The following MAP3K4 variants were observed in gnomAD, a reference collection of about 807,000 sequenced individuals.
MAP3K4 encodes the protein MAP three kinase 1.
MAP3K4 carries 67 observed loss-of-function variants against 185.6 expected under a neutral mutation model. The observed-to-expected ratio is 0.36, with a 90% CI of 0.30 to 0.44. The LOEUF is 0.44. Ranked by LOEUF, MAP3K4 falls within the 20% of genes least tolerant of loss-of-function variation. The pLI is 1.00. For synonymous variants in MAP3K4, 702 were observed against 710.4 expected, an observed-to-expected ratio of 0.99 and a Z score of 0.19; for missense variants, 1,551 against 1,995.1, an observed-to-expected ratio of 0.78 and a Z score of 4.24.
rs1785164893 is a variant in MAP3K4, at chr6:161,076,111, A to G, written c.2097+2499A>G. On this transcript the variant is annotated intron_variant, in intron 5 of 26. Coordinates refer to ENST00000392142, the MANE Select transcript of MAP3K4 (RefSeq NM_005922.4). This position sits in a 1 kb window ranked among gnomAD's most constrained non-coding sequence, Gnocchi z 4.2. ...TCCAAAAATAAAAAGACTTAGAATTATTCGCCTTGAAATGTAAACTAAAAT... is the reference window on the plus strand; with the variant it reads ...TCCAAAAATAAAAAGACTTAGAATTGTTCGCCTTGAAATGTAAACTAAAAT... Among the ~76,000 whole-genome samples the G allele has an allele frequency of 6.6e-6, 1 of 152,212 alleles. No individual in the cohort carries two copies.
In MAP3K4 at chr6:161,100,506, C is replaced by T. The variant is rs1360243805; in HGVS notation, c.3675-1386C>T. ...CTTTGCAGTGGTGCTCTTGCTGAGG[C>T]TTGCTCCTGCTGGCTCTCAAGAGCT... is the stretch of plus-strand genomic sequence containing the variant. On this transcript the variant is annotated intron_variant, in intron 17 of 26. Transcript: ENST00000392142. The surrounding 1 kb of genome is among the most constrained non-coding windows in gnomAD (Gnocchi z 5.8). 6.6e-6 allele frequency among the ~76,000 whole-genome samples: 1 copy of T among 152,186 alleles called. No homozygotes were observed. Among genetic ancestry groups the T allele is most frequent in the African/African-American group, 2.4e-5 (1 of 41,436 alleles).
chr6:161,028,275 G>A (rs1782764492), intron 1 of MAP3K4, among the ~76,000 whole-genome samples: 1 of 151,376 alleles, frequency 6.6e-6, no homozygotes, highest in Non-Finnish European at 1.5e-5. Context: ...AAGTTCCAGT[G>A]GCATTGGATA....
In MAP3K4 at chr6:161,076,340, C is replaced by G. The variant is rs560739540; in HGVS notation, c.2097+2728C>G. The stretch of plus-strand genomic sequence containing the variant: ...CAGCCTTCTCTGGTTGTCAGGAAGA[C>G]TGCCGAATGGGAGCTCTCTTAGCAG... On this transcript the variant is annotated intron_variant, in intron 5 of 26. Coordinates refer to ENST00000392142, the MANE Select transcript of MAP3K4 (RefSeq NM_005922.4). The surrounding 1 kb of genome is among the most constrained non-coding windows in gnomAD (Gnocchi z 4.2). Among the ~76,000 whole-genome samples the G allele has an allele frequency of 1.3e-5, 2 of 152,160 alleles. No homozygotes were observed. The highest frequency in any genetic ancestry group is 2.4e-5 in the African/African-American group (1 of 41,438).
chr6:161,024,662 G>C (rs1782556800), intron 1 of MAP3K4, among the ~76,000 whole-genome samples: 2 of 152,112 alleles, frequency 1.3e-5, no homozygotes, highest in African/African-American at 4.8e-5. Flanking sequence ...CGGGTTTTTA[G>C]GAGGAATACC....
chr6:161,007,525 G>A lies in MAP3K4; in HGVS notation c.152+15442G>A, dbSNP rs1335656238. On this transcript the variant is annotated intron_variant, in intron 1 of 26. Coordinates refer to ENST00000392142, the MANE Select transcript of MAP3K4 (RefSeq NM_005922.4). This position sits in a 1 kb window ranked among gnomAD's most constrained non-coding sequence, Gnocchi z 4.5. ...AGATAAAGTTAAACAGTTGTGTCAA[G>A]TGATGGGTGTGTAAGTGCCCAACTC... Among the ~76,000 whole-genome samples the A allele has an allele frequency of 6.6e-6, 1 of 152,200 alleles. No individual in the cohort carries two copies. The highest frequency in any genetic ancestry group is 2.4e-5 in the African/African-American group (1 of 41,448).
intron 1 of MAP3K4, among the ~76,000 whole-genome samples, chr6:161,023,248 T>G (rs976044331): frequency 3.3e-5 from 5 of 152,224 alleles, no homozygotes; most frequent in Admixed American, 2.6e-4. Context: ...GAAGGAAACT[T>G]TATCATGATA....
chr6:161,023,631 C>T (rs909261274), intron 1 of MAP3K4, among the ~76,000 whole-genome samples: 1 of 152,210 alleles, frequency 6.6e-6, no homozygotes, highest in African/African-American at 2.4e-5. Flanking sequence ...CTGTTTCAGA[C>T]TCTCTGGTCA....
Position 161,022,852 on chromosome 6 carries a change from CTGTA to C in MAP3K4, c.153-11404_153-11401del, listed in dbSNP as rs1033744675. Among the ~76,000 whole-genome samples, 27 of 152,278 alleles carry C rather than the reference CTGTA, an allele frequency of 1.8e-4. No individual in the cohort carries two copies. Among genetic ancestry groups the C allele is most frequent in the African/African-American group, 5.1e-4 (21 of 41,560 alleles). ...AGGTTCTGGTAAAGATGAAATGAGA[CTGTA>C]TGATATCGAGCATAGTACTTACCAA... On this transcript the variant is annotated intron_variant, in intron 1 of 26. Coordinates refer to ENST00000392142, the MANE Select transcript of MAP3K4 (RefSeq NM_005922.4). This position sits in a 1 kb window ranked among gnomAD's most constrained non-coding sequence, Gnocchi z 4.2.
intron 1 of MAP3K4, among the ~76,000 whole-genome samples, chr6:161,016,436 C>T (rs2115096924): frequency 6.6e-6 from 1 of 152,240 alleles, no homozygotes; most frequent in East Asian, 1.9e-4. Flanking sequence ...ATATGAGATC[C>T]TATAGCTTTA....
At position 161,102,764 on chromosome 6, in the gene MAP3K4, A is replaced by T; in HGVS notation, c.3841A>T (p.Ile1281Phe). 6.3e-7 allele frequency: 1 copy of T among 1,585,582 alleles called. No individual in the cohort carries two copies. The highest frequency in any genetic ancestry group is 8.6e-7 in the Non-Finnish European group (1 of 1,164,242). The change falls in exon 19 of 27, where the codon ATC becomes TTC. Residue 1281 changes from isoleucine (I) to phenylalanine (F), a missense_variant. Physicochemically the swap from Ile to Phe is conservative, Grantham distance 21. Around this residue, in one of 16 missense-constraint regions of MAP3K4, gnomAD observed 272 missense variants for 301.2 expected, o/e 0.90. Transcript: ENST00000392142. ...TRRSWELRTL[I>F]SQSKDTASKL... is the part of the protein sequence containing the mutation. ...AAGAAGTTGGGAACTTCGGACACTAATCAGCCAGAGTAAAGGTGAGAGAAA... is the reference window on the plus strand; with the variant it reads ...AAGAAGTTGGGAACTTCGGACACTATTCAGCCAGAGTAAAGGTGAGAGAAA...
At chr6:161,078,273 T>G (rs1439786912) in intron 5 of MAP3K4, among the ~76,000 whole-genome samples, 1 of 152,122 alleles carries the variant, frequency 6.6e-6, no homozygotes, top group Admixed American at 6.5e-5. Context: ...TCCTTGAGTG[T>G]GGGCAGGGGG....
chr6:161,052,467 T>C (rs961093040), intron 3 of MAP3K4, among the ~76,000 whole-genome samples: 3 of 151,970 alleles, frequency 2.0e-5, no homozygotes, highest in Admixed American at 6.5e-5. Flanking sequence ...TGAAAGACTT[T>C]ATTAGAATTT....
At chr6:161,057,084 T>G (rs1456261052) in intron 3 of MAP3K4, among the ~76,000 whole-genome samples, 1 of 152,234 alleles carries the variant, frequency 6.6e-6, no homozygotes, top group Non-Finnish European at 1.5e-5. Flanking sequence ...GGGAATATTT[T>G]TGTTTTGATT....
chr6:161,059,142 A>AT lies in MAP3K4; in HGVS notation c.1707+9174dup, dbSNP rs140627063. Among the ~76,000 whole-genome samples, 372 of 149,700 alleles carry AT rather than the reference A, an allele frequency of 2.5e-3. 1 individual carries two copies. Among genetic ancestry groups the AT allele is most frequent in the East Asian group, 4.3e-3 (22 of 5,118 alleles). The stretch of plus-strand genomic sequence containing the variant: ...AAAATGTTATTTCATTGATTGATTG[A>AT]TTTTTTTTTTTAAGTCAGAGCCTCA... On this transcript the variant is annotated intron_variant, in intron 3 of 26. Transcript: ENST00000392142.
rs1198435435 is a variant in MAP3K4 at position 161,067,212 on chromosome 6, A to G, written c.1708-3396A>G. The G allele has an allele frequency of 5.0e-6, 2 of 398,700 alleles. No homozygotes were observed. Among genetic ancestry groups the G allele is most frequent in the Admixed American group, 5.3e-5 (2 of 37,870 alleles). 24.7% of individuals were successfully genotyped at this position (398,700 alleles called of 1,614,324 possible). A position where few individuals can be genotyped will look rare whatever the true frequency, so the allele number is the denominator to read the frequency against. On this transcript the variant is annotated intron_variant, in intron 3 of 26. Coordinates refer to ENST00000392142, the MANE Select transcript of MAP3K4 (RefSeq NM_005922.4). This position sits in a 1 kb window ranked among gnomAD's most constrained non-coding sequence, Gnocchi z 6.3. ...TATACATTTTAGGGAGACATGAGAC[A>G]TCAATCAATATATGTAAGATGTACA... is the stretch of plus-strand genomic sequence containing the variant.
rs373916761 is a variant in MAP3K4, at chr6:161,092,194, A to G, written c.3269+51A>G. 4.4e-6 allele frequency: 7 copies of G among 1,602,238 alleles called. No individual in the cohort carries two copies. In the African/African-American group the frequency reaches 9.4e-5, roughly 21 times the overall value. ...AAATGTGTCATGTGGGCTTGGTGGT[A>G]TTTGTTCATATATGTTCTGTGGGAT... On this transcript the variant is annotated intron_variant, in intron 13 of 26. Coordinates refer to ENST00000392142, the MANE Select transcript of MAP3K4 (RefSeq NM_005922.4).
intron 3 of MAP3K4, among the ~76,000 whole-genome samples, chr6:161,060,642 A>G (rs1784445558): frequency 7.1e-6 from 1 of 140,056 alleles, no homozygotes; most frequent in South Asian, 2.2e-4. Context: ...TTTTTTGAGA[A>G]GGAGTGTCAC....
At chr6:161,095,463 TC>T (rs1777525716) in intron 15 of MAP3K4, among the ~76,000 whole-genome samples, 1 of 152,220 alleles carries the variant, frequency 6.6e-6, no homozygotes. Context: ...TTTCTTCCTT[TC>T]CCTCTGTTGT....
rs1242754767 is a variant in MAP3K4, at chr6:161,112,703, G to C, written c.4555G>C (p.Gly1519Arg). Residue 1519 changes from glycine to arginine, a missense_variant, in exon 25 of 27, where the codon GGA (glycine) becomes CGA (arginine). Physicochemically the swap from Gly to Arg is moderately radical, Grantham distance 125 (BLOSUM62 -2). Coordinates refer to ENST00000392142, the MANE Select transcript of MAP3K4 (RefSeq NM_005922.4). This position sits in a 1 kb window ranked among gnomAD's most constrained non-coding sequence, Gnocchi z 5.1. ...ACCTGAAGTCATCACTCGTGCCAAA[G>C]GAGAGGGCCATGGGCGTGCGGCCGA... ...MAPEVITRAK[G>R]EGHGRAADIW... 3 of 1,605,802 alleles carry C rather than the reference G, an allele frequency of 1.9e-6. No individual in the cohort carries two copies. In the African/African-American group the frequency reaches 4.0e-5, roughly 22 times the overall value.
Sources: allele counts gnomAD v4.1 joint callset (sites outside exome capture counted in the v4.1 genomes callset), GRCh38; gene constraint gnomAD v4.1.1; regional missense constraint gnomAD v4.1.1; non-coding constraint Gnocchi (gnomAD v3.1); transcripts MANE v1.5; gene names NCBI Gene and HGNC (gene_info 2026-07-23, HGNC 2026-07-21).